The following HDAC9 variants were observed in gnomAD, a reference collection of about 807,000 sequenced individuals.
HDAC9 encodes the protein MEF-2 interacting transcription repressor (MITR) protein.
Under a neutral mutation model 139.4 loss-of-function variants are expected in HDAC9, and 41 were observed. That is an observed-to-expected ratio of 0.29 (90% CI 0.23 to 0.38). The LOEUF (loss-of-function observed/expected upper bound fraction) is 0.38, where lower values mean the gene tolerates loss of function less well. HDAC9 is among the 10% of genes least tolerant of loss of function. The pLI is 1.00. For missense variants in HDAC9, 1,147 were observed against 1,297.0 expected (o/e 0.88, Z 1.78); for synonymous variants, 517 against 476.2 (o/e 1.09, Z -1.12).
chr7:18,521,449 T>G (rs1292351081), intron 2 of HDAC9, among the ~76,000 whole-genome samples: 4 of 152,202 alleles, frequency 2.6e-5, no homozygotes, highest in Non-Finnish European at 4.4e-5. Context: ...ATAGATCATT[T>G]ACACAGAATT....
intron 22 of HDAC9, among the ~76,000 whole-genome samples, chr7:18,878,611 C>A (rs1441125708): frequency 6.6e-6 from 1 of 152,052 alleles, no homozygotes; most frequent in African/African-American, 2.4e-5. Flanking sequence ...AATTCAACGC[C>A]CCTTCTTGAT....
intron 1 of HDAC9, among the ~76,000 whole-genome samples, chr7:18,326,816 C>T (rs1029031172): frequency 1.3e-5 from 2 of 151,918 alleles, no homozygotes; most frequent in Non-Finnish European, 2.9e-5. Flanking sequence ...AGAAACTTTG[C>T]AGAAATCCGA....
At chr7:18,097,592 A>G (rs956468379) in intron 1 of HDAC9, among the ~76,000 whole-genome samples, 8 of 151,936 alleles carry the variant, frequency 5.3e-5, no homozygotes, top group East Asian at 1.9e-4. Context: ...TTTAGAGACA[A>G]GGTCTTGCTC....
chr7:18,693,961 C>A (rs1237019851), intron 12 of HDAC9, among the ~76,000 whole-genome samples: 1 of 152,116 alleles, frequency 6.6e-6, no homozygotes, highest in Admixed American at 6.6e-5. Context: ...TAGTAGCCAA[C>A]TAAAGCAAAA....
At chr7:18,211,409 TG>T (rs1290033626) in intron 2 of HDAC9, among the ~76,000 whole-genome samples, 2 of 152,354 alleles carry the variant, frequency 1.3e-5, no homozygotes, top group East Asian at 3.9e-4. Flanking sequence ...AGAAGGCCAG[TG>T]TCAAGGATAT....
At chr7:18,991,809 A>G (rs899513721) in intron 25 of HDAC9, among the ~76,000 whole-genome samples, 14 of 152,238 alleles carry the variant, frequency 9.2e-5, no homozygotes, top group African/African-American at 3.1e-4. Context: ...TTGAATAACA[A>G]GAAGGTATTG....
intron 21 of HDAC9, among the ~76,000 whole-genome samples, chr7:18,862,835 T>C (rs1386816848): frequency 6.6e-6 from 1 of 152,136 alleles, no homozygotes; most frequent in East Asian, 1.9e-4. Context: ...AGAAAAGCTA[T>C]GTAGATTCAG....
chr7:18,961,048 T>A (rs913577891), intron 24 of HDAC9, among the ~76,000 whole-genome samples: 1 of 152,214 alleles, frequency 6.6e-6, no homozygotes, highest in Non-Finnish European at 1.5e-5. Flanking sequence ...ACTCAGTTTT[T>A]CCTCTTTCTT....
At chr7:18,743,419 T>C (rs977830616) in intron 13 of HDAC9, among the ~76,000 whole-genome samples, 6 of 152,226 alleles carry the variant, frequency 3.9e-5, no homozygotes, top group Admixed American at 2.0e-4. Context: ...AGAGATACAA[T>C]TTATCAATTT....
chr7:18,881,620 C>A (rs1799744458), intron 22 of HDAC9, among the ~76,000 whole-genome samples: 1 of 152,078 alleles, frequency 6.6e-6, no homozygotes, highest in South Asian at 2.1e-4. Flanking sequence ...ATTTTTTCCA[C>A]ATTATCAAAA....
intron 23 of HDAC9, among the ~76,000 whole-genome samples, chr7:18,939,594 T>C (rs1386011355): frequency 6.6e-6 from 1 of 152,178 alleles, no homozygotes. Flanking sequence ...ACACTGAAGT[T>C]TTAAATTTTA....
At chr7:18,809,321 G>A (rs1245744735) in intron 17 of HDAC9, among the ~76,000 whole-genome samples, 1 of 151,852 alleles carries the variant, frequency 6.6e-6, no homozygotes, top group Non-Finnish European at 1.5e-5. Flanking sequence ...GGCAACAAAA[G>A]CAAAAGTTGA....
intron 16 of HDAC9, among the ~76,000 whole-genome samples, chr7:18,774,065 C>T (rs994404100): frequency 2.0e-5 from 3 of 151,968 alleles, no homozygotes; most frequent in Admixed American, 6.6e-5. Context: ...CAGTTCACAG[C>T]AGAATCCCTA....
At chr7:18,987,450 G>A (rs1210331818) in intron 25 of HDAC9, among the ~76,000 whole-genome samples, 1 of 152,190 alleles carries the variant, frequency 6.6e-6, no homozygotes, top group African/African-American at 2.4e-5. Context: ...TTTTTGATGT[G>A]CTGCTGGATT....
intron 12 of HDAC9, among the ~76,000 whole-genome samples, chr7:18,683,402 C>G (rs567194010): frequency 6.6e-6 from 1 of 152,140 alleles, no homozygotes; most frequent in South Asian, 2.1e-4. Flanking sequence ...GAACTGTGAT[C>G]AAAACCTACA....
chr7:18,547,296 C>G (rs1260732473), intron 2 of HDAC9, among the ~76,000 whole-genome samples: 1 of 152,078 alleles, frequency 6.6e-6, no homozygotes. Context: ...AGTGCAGTGG[C>G]ACGATCTCCG....
chr7:18,814,729 T>C (rs1794437918), intron 17 of HDAC9, among the ~76,000 whole-genome samples: 1 of 152,212 alleles, frequency 6.6e-6, no homozygotes, highest in South Asian at 2.1e-4. Flanking sequence ...TAGTTTTTAC[T>C]AAATTGATCA....
At chr7:18,881,099 G>A (rs911010899) in intron 22 of HDAC9, among the ~76,000 whole-genome samples, 4 of 151,996 alleles carry the variant, frequency 2.6e-5, no homozygotes, top group Non-Finnish European at 4.4e-5. Flanking sequence ...CTAAAAACTT[G>A]AGTACTAATC....
intron 2 of HDAC9, among the ~76,000 whole-genome samples, chr7:18,544,294 A>G (rs886092509): frequency 6.6e-6 from 1 of 152,232 alleles, no homozygotes; most frequent in African/African-American, 2.4e-5. Flanking sequence ...CTAAGCCTCA[A>G]GGACAACTCT....
Sources: allele counts gnomAD v4.1 joint callset (sites outside exome capture counted in the v4.1 genomes callset), GRCh38; gene constraint gnomAD v4.1.1; transcripts MANE v1.5; gene names NCBI Gene and HGNC (gene_info 2026-07-23, HGNC 2026-07-21).